Variants in PRMT1 observed in about 807,000 individuals in gnomAD.
PRMT1 encodes the protein protein arginine N-methyltransferase 1.
PRMT1 carries 5 observed loss-of-function variants against 47.4 expected under a neutral mutation model. The ratio of observed to expected loss-of-function variants is 0.11; its 90% CI spans 0.06 to 0.22. PRMT1 has a LOEUF of 0.22. Ranked by LOEUF, PRMT1 falls within the 10% of genes least tolerant of loss-of-function variation. The probability of loss-of-function intolerance (pLI) is 1.00; values close to 1 mark genes in which losing one functional copy is unlikely to be tolerated. For synonymous variants in PRMT1, 227 were observed against 204.6 expected, an observed-to-expected ratio of 1.11 and a Z score of -0.94; for missense variants, 249 against 518.4, an observed-to-expected ratio of 0.48 and a Z score of 5.05.
intron 5 of PRMT1, 37 bp from the exon 6 acceptor site, chr19:49,683,890 C>A: frequency 6.3e-6 from 10 of 1,592,332 alleles, no homozygotes; most frequent in Non-Finnish European, 7.7e-6. Flanking sequence ...GGGCAGGCCT[C>A]CCGGGGGCTG....
intron 1 of PRMT1, among the ~76,000 whole-genome samples, chr19:49,678,882 C>CT (rs777584653): frequency 0.042 from 5,599 of 132,734 alleles, 189 homozygotes; most frequent in East Asian, 0.092. Context: ...CCCCAAGCCA[C>CT]TTTTTTTTTT....
In PRMT1 at chr19:49,685,105, G is replaced by A; in HGVS notation, c.759+68G>A. On this transcript the variant is annotated intron_variant, in intron 8 of 10. Transcript: ENST00000454376. The surrounding 1 kb of genome is among the most constrained non-coding windows in gnomAD (Gnocchi z 4.7). ...AAAGAGAGGCCATCACCTGGCCCTG[G>A]CATGGGACTTTGGGGCCCAGAATGT... 3 of 1,604,874 alleles carry A rather than the reference G, an allele frequency of 1.9e-6. No homozygotes were observed. The highest frequency in any genetic ancestry group is 2.6e-6 in the Non-Finnish European group (3 of 1,175,736).
At position 49,685,592 on chromosome 19, in the gene PRMT1, G is replaced by T; in HGVS notation, c.760-501G>T. The stretch of plus-strand genomic sequence containing the variant: ...GAGTATTTGTTGAGCTGGGATGTGT[G>T]AGCCGGGTGAAGCTGGGTGGCTGAC... On this transcript the variant is annotated intron_variant, in intron 8 of 10. Transcript: ENST00000454376. The surrounding 1 kb of genome is among the most constrained non-coding windows in gnomAD (Gnocchi z 4.7). 9.8e-7 allele frequency: 1 copy of T among 1,019,394 alleles called. No individual in the cohort carries two copies. 63.1% of individuals were successfully genotyped at this position (1,019,394 alleles called of 1,614,324 possible).
In PRMT1 at chr19:49,679,911, C is replaced by G; in HGVS notation, c.76C>G (p.Pro26Ala). 2 of 1,612,674 alleles carry G rather than the reference C, an allele frequency of 1.2e-6. No individual in the cohort carries two copies. Among genetic ancestry groups the G allele is most frequent in the Non-Finnish European group, 1.7e-6 (2 of 1,179,042 alleles). The part of the protein sequence containing the change: ...ATLANGMSLQ[P>A]PLEEVSCGQA... ...CTTGGCTAATGGGATGAGCCTCCAGCCGCCTCTTGAAGAAGTAAATATCCT... is the reference window on the plus strand; with the variant it reads ...CTTGGCTAATGGGATGAGCCTCCAGGCGCCTCTTGAAGAAGTAAATATCCT... Residue 26 changes from proline (P) to alanine (A), a missense_variant, in exon 2 of 11, where the codon CCG becomes GCG. By Grantham distance (27) the Pro-to-Ala change is conservative. This residue lies in a region of PRMT1 where 59 missense variants were observed against 61.7 expected (regional missense o/e 0.96). Transcript: ENST00000454376.
chr19:49,682,323 C>G, intron 5 of PRMT1, 64 bp downstream of exon 5: 1 of 1,535,092 alleles, frequency 6.5e-7, no homozygotes, highest in South Asian at 1.1e-5. Flanking sequence ...TCCCCAGGGC[C>G]CTCTGAAGAG....
At chr19:49,679,373 C>A (rs1473330034) in intron 1 of PRMT1, among the ~76,000 whole-genome samples, 3 of 152,178 alleles carry the variant, frequency 2.0e-5, no homozygotes, top group Non-Finnish European at 4.4e-5. Flanking sequence ...GTGTGCCACA[C>A]CTCTATTCTG....
rs2122918458 is a variant in PRMT1, at chr19:49,677,288, C to T, written c.8C>T (p.Ala3Val). The part of the protein sequence containing the change: MA[A>V]AEAANCIMEN... ...GAGTAGGTGCGGGTGAAGATGGCGG[C>T]AGCCGAGGCCGCGAACTGCATCATG... is the stretch of plus-strand genomic sequence containing the variant. Residue 3 changes from alanine to valine, a missense_variant, in exon 1 of 11, where the codon GCA becomes GTA. Ala to Val is a moderately conservative substitution (Grantham distance 64, BLOSUM62 0). Around this residue, in one of 2 missense-constraint regions of PRMT1, gnomAD observed 59 missense variants for 61.7 expected, o/e 0.96. Coordinates refer to ENST00000454376, the MANE Select transcript of PRMT1 (RefSeq NM_001536.6). 3 of 1,414,458 alleles carry T rather than the reference C, an allele frequency of 2.1e-6. No individual in the cohort carries two copies. The highest frequency in any genetic ancestry group is 2.7e-5 in the East Asian group (1 of 36,378). The allele number at this position is 1,414,458 out of a possible 1,614,324, so 87.6% of individuals were successfully genotyped here.
chr19:49,677,380 G>A (rs780246702), intron 1 of PRMT1, 64 bp downstream of exon 1: 1 of 1,319,260 alleles, frequency 7.6e-7, no homozygotes, highest in Admixed American at 3.1e-5. Context: ...ACGCCTCTGT[G>A]GTGGGGAAAG....
At position 49,684,132 on chromosome 19, in the gene PRMT1, C is replaced by G. The variant is rs989495611; in HGVS notation, c.555+63C>G. ...TGGGGTCCAGGTAGAAGACGAAAAC[C>G]ACGCTCAATTTTTCCCACAGACGGG... is the stretch of plus-strand genomic sequence containing the variant. On this transcript the variant is annotated intron_variant, in intron 6 of 10. Coordinates refer to ENST00000454376, the MANE Select transcript of PRMT1 (RefSeq NM_001536.6). This position sits in a 1 kb window ranked among gnomAD's most constrained non-coding sequence, Gnocchi z 6.2. 3.8e-6 allele frequency: 6 copies of G among 1,596,586 alleles called. No individual in the cohort carries two copies. The highest frequency in any genetic ancestry group is 4.3e-6 in the Non-Finnish European group (5 of 1,167,922).
chr19:49,686,433 A>T (rs940997151), intron 9 of PRMT1, among the ~76,000 whole-genome samples, 172 bp from the exon 10 acceptor site: 2 of 151,926 alleles, frequency 1.3e-5, no homozygotes, highest in Non-Finnish European at 2.9e-5. Flanking sequence ...CAGTTTCCTC[A>T]TCCACAAAAG....
rs1450554686 is a variant in PRMT1, at chr19:49,680,935, C to T, written c.192+347C>T. 6.6e-6 allele frequency among the ~76,000 whole-genome samples: 1 copy of T among 152,274 alleles called. No individual in the cohort carries two copies. The highest frequency in any genetic ancestry group is 2.4e-5 in the African/African-American group (1 of 41,472). On this transcript the variant is annotated intron_variant, in intron 3 of 10. Coordinates refer to ENST00000454376, the MANE Select transcript of PRMT1 (RefSeq NM_001536.6). This position sits in a 1 kb window ranked among gnomAD's most constrained non-coding sequence, Gnocchi z 4.2. ...CTCCCGCCCTAACAGCTTCTGCACACTTCAGATCTGACTGAAGACACTGAA... is the reference window on the plus strand; with the variant it reads ...CTCCCGCCCTAACAGCTTCTGCACATTTCAGATCTGACTGAAGACACTGAA...
At chr19:49,687,717 T>G (rs1599953233) in intron 10 of PRMT1, 3 of 196,494 alleles carry the variant, frequency 1.5e-5, no homozygotes, top group East Asian at 1.2e-4. Flanking sequence ...GGAGGAGGAG[T>G]CCTCGGGCGT....
In PRMT1 at chr19:49,684,171, G is replaced by A; in HGVS notation, c.555+102G>A. On this transcript the variant is annotated intron_variant, in intron 6 of 10. Transcript: ENST00000454376. This position sits in a 1 kb window ranked among gnomAD's most constrained non-coding sequence, Gnocchi z 6.2. ...CCCACAGACGGGACTTACTGTGGGGGCTTAGCTGCAAGGTGTTAGAAAGCC... is the reference window on the plus strand; with the variant it reads ...CCCACAGACGGGACTTACTGTGGGGACTTAGCTGCAAGGTGTTAGAAAGCC... 4.1e-6 allele frequency: 6 copies of A among 1,478,534 alleles called. No individual in the cohort carries two copies. The allele number at this position is 1,478,534 out of a possible 1,614,324, so 91.6% of individuals were successfully genotyped here.
chr19:49,687,514 G>C (rs1337316391), intron 10 of PRMT1, among the ~76,000 whole-genome samples: 177 of 132,530 alleles, frequency 1.3e-3, no homozygotes, highest in Non-Finnish European at 2.0e-3. Flanking sequence ...TCCGCTCCCC[G>C]CCCCCCCCCA....
At position 49,680,564 on chromosome 19, in the gene PRMT1, C is replaced by T. The variant is rs759252275; in HGVS notation, c.168C>T (p.Ser56=). ...DMTSKDYYFD[S]YAHFGIHEEM... ...CATCCAAAGATTACTACTTTGACTC[C>T]TACGCACACTTTGGCATCCACGAGG... The change falls in exon 3 of 11, where the codon TCC becomes TCT. Residue 56 remains serine (S), a synonymous_variant. Coordinates refer to ENST00000454376, the MANE Select transcript of PRMT1 (RefSeq NM_001536.6). The surrounding 1 kb of genome is among the most constrained non-coding windows in gnomAD (Gnocchi z 4.2). The T allele has an allele frequency of 2.5e-6, 4 of 1,613,836 alleles. No individual in the cohort carries two copies. The East Asian group carries it at 8.9e-5, about 36-fold the overall frequency.
At position 49,680,404 on chromosome 19, in the gene PRMT1, C is replaced by A; in HGVS notation, c.91-83C>A. The A allele has an allele frequency of 8.0e-7, 1 of 1,255,332 alleles. No homozygotes were observed. Among genetic ancestry groups the A allele is most frequent in the Non-Finnish European group, 1.2e-6 (1 of 858,320 alleles). The allele number at this position is 1,255,332 out of a possible 1,614,324, so 77.8% of individuals were successfully genotyped here. ...ATTTTGGGGGTTCTATACTACTCTTCAGGGAAAAGTAGGGCGCTGGAGGTT... is the reference window on the plus strand; with the variant it reads ...ATTTTGGGGGTTCTATACTACTCTTAAGGGAAAAGTAGGGCGCTGGAGGTT... On this transcript the variant is annotated intron_variant, in intron 2 of 10. Coordinates refer to ENST00000454376, the MANE Select transcript of PRMT1 (RefSeq NM_001536.6). This position sits in a 1 kb window ranked among gnomAD's most constrained non-coding sequence, Gnocchi z 4.2.
intron 2 of PRMT1, 25 bp downstream of exon 2, chr19:49,679,950 T>A: frequency 3.1e-6 from 5 of 1,595,818 alleles, no homozygotes; most frequent in Non-Finnish European, 4.3e-6. Context: ...GTGAGACCCC[T>A]CCCCACCCTG....
chr19:49,684,814 C>A lies in PRMT1; in HGVS notation c.616C>A (p.Arg206=). 6.2e-7 allele frequency: 1 copy of A among 1,602,266 alleles called. No individual in the cohort carries two copies. The highest frequency in any genetic ancestry group is 8.5e-7 in the Non-Finnish European group (1 of 1,174,324). The part of the protein sequence containing the change: ...ATLYVTAIED[R]QYKDYKIHWW... ...GCTGTATGTGACGGCCATCGAGGACCGGCAGTACAAAGACTACAAGATCCA... is the reference window on the plus strand; with the variant it reads ...GCTGTATGTGACGGCCATCGAGGACAGGCAGTACAAAGACTACAAGATCCA... The change falls in exon 7 of 11, where the codon CGG becomes AGG. Residue 206 remains arginine (R), a synonymous_variant. Coordinates refer to ENST00000454376, the MANE Select transcript of PRMT1 (RefSeq NM_001536.6). This position sits in a 1 kb window ranked among gnomAD's most constrained non-coding sequence, Gnocchi z 6.2.
rs185815424 is a variant in PRMT1, at chr19:49,683,998, G to A, written c.484G>A (p.Glu162Lys). 3 of 1,614,166 alleles carry A rather than the reference G, an allele frequency of 1.9e-6. No individual in the cohort carries two copies. The highest frequency in any genetic ancestry group is 1.3e-5 in the African/African-American group (1 of 75,036). The change falls in exon 6 of 11, where the codon GAG becomes AAG. Residue 162 changes from glutamate (E) to lysine (K), a missense_variant. Physicochemically the swap from Glu to Lys is moderately conservative, Grantham distance 56. Transcript: ENST00000454376. ...PVEKVDIIIS[E>K]WMGYCLFYES... ...GGAGAAGGTGGACATCATCATCAGC[G>A]AGTGGATGGGCTACTGCCTCTTCTA...
Sources: gnomAD v4.1 joint callset for allele counts (sites outside exome capture counted in the v4.1 genomes callset) on GRCh38, gnomAD v4.1.1 for gene constraint, gnomAD v4.1.1 regional missense constraint, Gnocchi (gnomAD v3.1) non-coding constraint, MANE v1.5 for transcripts, NCBI Gene and HGNC (gene_info 2026-07-23, HGNC 2026-07-21) for gene names.